Variants in SHROOM3 observed in about 807,000 individuals in gnomAD.
The protein encoded by SHROOM3 is shroom family member 3.
A neutral mutation model predicts 138.6 loss-of-function variants in SHROOM3; 47 were observed. That is an observed-to-expected ratio of 0.34 (90% CI 0.27 to 0.43). SHROOM3 has a LOEUF of 0.43. Among genes scored for constraint, SHROOM3 ranks in the 20% least tolerant of loss-of-function variants. The pLI is 1.00. For synonymous variants in SHROOM3, 1,062 were observed against 1,063.3 expected (o/e 1.00, Z 0.02); for missense variants, 2,491 against 2,596.5 (o/e 0.96, Z 0.88).
intron 2 of SHROOM3, among the ~76,000 whole-genome samples, chr4:76,666,793 T>C (rs1022573760): frequency 1.3e-5 from 2 of 152,066 alleles, no homozygotes; most frequent in African/African-American, 2.4e-5. Flanking sequence ...AGCAGCATCA[T>C]TGATGATAGA....
chr4:76,443,283 A>G (rs1443605454), intron 1 of SHROOM3, among the ~76,000 whole-genome samples: 1 of 152,224 alleles, frequency 6.6e-6, no homozygotes, highest in East Asian at 1.9e-4. Context: ...AGCATCAGTA[A>G]GAACTCTGCT....
At chr4:76,744,507 A>C (rs187061629) in intron 5 of SHROOM3, among the ~76,000 whole-genome samples, 1 of 152,146 alleles carries the variant, frequency 6.6e-6, no homozygotes, top group Non-Finnish European at 1.5e-5. Context: ...CCTCTTCATC[A>C]TCTGCCTTAT....
At chr4:76,636,256 C>T (rs1007660738) in intron 2 of SHROOM3, among the ~76,000 whole-genome samples, 2 of 152,134 alleles carry the variant, frequency 1.3e-5, no homozygotes, top group Admixed American at 6.5e-5. Flanking sequence ...TCAAGAAACA[C>T]CCAGCTATTT....
chr4:76,480,454 T>G (rs950562807), intron 1 of SHROOM3, among the ~76,000 whole-genome samples: 1 of 152,186 alleles, frequency 6.6e-6, no homozygotes, highest in Non-Finnish European at 1.5e-5. Flanking sequence ...TAAATACATA[T>G]GCACCCAATA....
In SHROOM3 at chr4:76,770,935, C is replaced by G. The variant is rs201801610; in HGVS notation, c.5622+37C>G. On this transcript the variant is annotated intron_variant, in intron 10 of 10. Coordinates refer to ENST00000296043, the MANE Select transcript of SHROOM3 (RefSeq NM_020859.4). Reference sequence around the variant, plus strand: ...AGTGATGCAGTTCAACAAGTTCTCCCTCAAAGCCCACATACATAGAGAGGC... The same window carrying G: ...AGTGATGCAGTTCAACAAGTTCTCCGTCAAAGCCCACATACATAGAGAGGC... 1,413 of 1,613,436 alleles carry G rather than the reference C, an allele frequency of 8.8e-4. 2 individuals are homozygous for G. Among genetic ancestry groups the G allele is most frequent in the Non-Finnish European group, 1.1e-3 (1,320 of 1,179,622 alleles).
At chr4:76,606,081 T>C (rs1213746818) in intron 2 of SHROOM3, among the ~76,000 whole-genome samples, 2 of 141,902 alleles carry the variant, frequency 1.4e-5, no homozygotes, top group Non-Finnish European at 3.0e-5. Context: ...TGGTGCAATC[T>C]CGGCTCACTG....
intron 1 of SHROOM3, among the ~76,000 whole-genome samples, chr4:76,555,098 T>G (rs1383525932): frequency 6.6e-6 from 1 of 151,876 alleles, no homozygotes; most frequent in African/African-American, 2.4e-5. Flanking sequence ...GTATAATTAT[T>G]TCATTATATG....
intron 2 of SHROOM3, among the ~76,000 whole-genome samples, chr4:76,581,669 C>T (rs1044847446): frequency 6.6e-6 from 1 of 152,152 alleles, no homozygotes; most frequent in Non-Finnish European, 1.5e-5. Flanking sequence ...CTGACTCTTT[C>T]AGACATACTT....
At chr4:76,561,706 A>AAG (rs1553923688) in intron 2 of SHROOM3, among the ~76,000 whole-genome samples, 13 of 150,960 alleles carry the variant, frequency 8.6e-5, no homozygotes, top group Non-Finnish European at 1.6e-4. Context: ...AAAAAAAAAA[A>AAG]AGAGAGAGAG....
At chr4:76,730,661 ATCT>A (rs760229778) in intron 3 of SHROOM3, 140 bp from the exon 4 acceptor site, 18 of 1,013,364 alleles carry the variant, frequency 1.8e-5, no homozygotes, top group African/African-American at 8.0e-5. Context: ...AAGTAGCAAA[ATCT>A]TCTTCTCAGT....
intron 2 of SHROOM3, among the ~76,000 whole-genome samples, chr4:76,631,635 G>A (rs1735327396): frequency 6.6e-6 from 1 of 152,154 alleles, no homozygotes; most frequent in Non-Finnish European, 1.5e-5. Flanking sequence ...AACAATCTTA[G>A]CAGTATGACA....
intron 1 of SHROOM3, among the ~76,000 whole-genome samples, chr4:76,526,607 C>A (rs1015933201): frequency 6.6e-6 from 1 of 152,292 alleles, no homozygotes; most frequent in East Asian, 1.9e-4. Flanking sequence ...CTTGGGTACA[C>A]TGTACACCAC....
chr4:76,473,744 G>C (rs1007290521), intron 1 of SHROOM3, among the ~76,000 whole-genome samples: 1 of 152,288 alleles, frequency 6.6e-6, no homozygotes, highest in South Asian at 2.1e-4. Flanking sequence ...CCAGGGAAAT[G>C]CAAATCAAAA....
intron 2 of SHROOM3, among the ~76,000 whole-genome samples, chr4:76,561,189 C>T (rs940705797): frequency 6.6e-6 from 1 of 152,108 alleles, no homozygotes; most frequent in Non-Finnish European, 1.5e-5. Context: ...TTTGATGTAA[C>T]CTTTCCCCTT....
intron 1 of SHROOM3, among the ~76,000 whole-genome samples, chr4:76,516,140 C>T (rs1057404505): frequency 1.3e-5 from 2 of 152,208 alleles, no homozygotes; most frequent in Non-Finnish European, 2.9e-5. Context: ...CAGAGTCTTT[C>T]TGCTCCTTCA....
At chr4:76,629,449 A>G (rs1200486001) in intron 2 of SHROOM3, among the ~76,000 whole-genome samples, 2 of 152,136 alleles carry the variant, frequency 1.3e-5, no homozygotes, top group South Asian at 2.1e-4. Flanking sequence ...TGAAATGATG[A>G]AAGGTTGCAG....
chr4:76,608,219 C>T (rs1051300769), intron 2 of SHROOM3, among the ~76,000 whole-genome samples: 4 of 152,214 alleles, frequency 2.6e-5, no homozygotes, highest in Non-Finnish European at 5.9e-5. Flanking sequence ...GCCTAATCTA[C>T]CAAAGCACAG....
intron 2 of SHROOM3, chr4:76,639,642 T>A (rs180885582): frequency 2.5e-6 from 1 of 398,348 alleles, no homozygotes; most frequent in African/African-American, 2.1e-5. Context: ...CAACGAAACA[T>A]GTAAGTGAGG....
intron 2 of SHROOM3, among the ~76,000 whole-genome samples, chr4:76,599,613 C>T (rs186313907): frequency 1.6e-4 from 24 of 152,304 alleles, no homozygotes; most frequent in East Asian, 3.9e-4. Flanking sequence ...CTCATCATGA[C>T]GGTGTCCTAG....
Sources: allele counts gnomAD v4.1 joint callset (sites outside exome capture counted in the v4.1 genomes callset), GRCh38; gene constraint gnomAD v4.1.1; transcripts MANE v1.5; gene names NCBI Gene and HGNC (gene_info 2026-07-23, HGNC 2026-07-21).